GNAQ: variants seen among roughly 807,000 people sequenced by gnomAD.
GNAQ encodes the protein G protein subunit alpha q, also known as guanine nucleotide-binding protein G(q) subunit alpha.
A neutral mutation model predicts 43.9 loss-of-function variants in GNAQ; 8 were observed. The observed-to-expected ratio is 0.18, with a 90% CI of 0.11 to 0.33. The LOEUF (loss-of-function observed/expected upper bound fraction) is 0.33. GNAQ is among the 10% of genes least tolerant of loss of function. GNAQ has a pLI of 1.00. For synonymous variants in GNAQ, 155 were observed against 170.7 expected (o/e 0.91, Z 0.71); for missense variants, 158 against 450.8 (o/e 0.35, Z 5.88).
intron 2 of GNAQ, among the ~76,000 whole-genome samples, chr9:77,903,782 G>C (rs1828654254): frequency 6.6e-6 from 1 of 151,894 alleles, no homozygotes; most frequent in Non-Finnish European, 1.5e-5. Flanking sequence ...TTTAAGTGGA[G>C]AGAAAAAAAA....
At chr9:77,722,551 C>A (rs1359477374) in intron 6 of GNAQ, among the ~76,000 whole-genome samples, 3 of 151,272 alleles carry the variant, frequency 2.0e-5, no homozygotes, top group African/African-American at 7.3e-5. Context: ...TGTAATTTTG[C>A]AATGGATTCT....
intron 4 of GNAQ, among the ~76,000 whole-genome samples, chr9:77,796,207 C>A (rs1192406501): frequency 6.6e-6 from 1 of 152,178 alleles, no homozygotes; most frequent in Non-Finnish European, 1.5e-5. Flanking sequence ...GTGGCAATAT[C>A]TATTAGAACA....
chr9:77,736,221 C>G (rs938977768), intron 5 of GNAQ, among the ~76,000 whole-genome samples: 1 of 152,166 alleles, frequency 6.6e-6, no homozygotes, highest in East Asian at 1.9e-4. Context: ...ATTCTCCACC[C>G]GTTAAAGGGG....
chr9:77,956,653 G>A (rs1823044154), intron 1 of GNAQ, among the ~76,000 whole-genome samples: 1 of 152,266 alleles, frequency 6.6e-6, no homozygotes, highest in South Asian at 2.1e-4. Context: ...CCCAGGAAGG[G>A]GGAGGAGGGA....
At position 77,719,280 on chromosome 9, in the gene GNAQ, C is replaced by T. The variant is rs779066051; in HGVS notation, c.*2043G>A. On this transcript the variant is annotated 3_prime_UTR_variant, in exon 7 of 7. Coordinates refer to ENST00000286548, the MANE Select transcript of GNAQ (RefSeq NM_002072.5). ...ACAATTACATAGATACATATCAATA[C>T]AGCACATTCAATCTGCCAAAAAATT... The T allele has an allele frequency of 8.6e-6, 2 of 232,378 alleles. No individual in the cohort carries two copies. The highest frequency in any genetic ancestry group is 2.2e-5 in the African/African-American group (1 of 45,268). 14.4% of individuals were successfully genotyped at this position (232,378 alleles called of 1,614,324 possible).
chr9:78,012,036 CAAAT>C (rs1823778057), intron 1 of GNAQ, among the ~76,000 whole-genome samples: 2 of 151,972 alleles, frequency 1.3e-5, no homozygotes, highest in African/African-American at 2.4e-5. Context: ...GTTATAGAAA[CAAAT>C]AACCAAATTT....
chr9:77,928,694 T>G (rs2118297878), intron 1 of GNAQ, among the ~76,000 whole-genome samples: 1 of 152,262 alleles, frequency 6.6e-6, no homozygotes. Context: ...TTCCTGAATA[T>G]ACTAAAAAAC....
chr9:77,961,036 T>C (rs1823101172), intron 1 of GNAQ, among the ~76,000 whole-genome samples: 1 of 152,200 alleles, frequency 6.6e-6, no homozygotes, highest in Admixed American at 6.5e-5. Flanking sequence ...ATTCTAGCCA[T>C]TTACTCTTTC....
chr9:77,759,307 CTTTCA>C (rs924703590), intron 5 of GNAQ, among the ~76,000 whole-genome samples: 29 of 152,086 alleles, frequency 1.9e-4, no homozygotes, highest in Non-Finnish European at 3.2e-4. Flanking sequence ...ATTTTTTGGT[CTTTCA>C]TTTAAGAATT....
At chr9:77,965,612 T>C (rs1823156807) in intron 1 of GNAQ, among the ~76,000 whole-genome samples, 1 of 152,148 alleles carries the variant, frequency 6.6e-6, no homozygotes, top group Non-Finnish European at 1.5e-5. Context: ...TCAACAACAT[T>C]AGTCATTAGG....
At chr9:77,751,350 G>T (rs1825807518) in intron 5 of GNAQ, among the ~76,000 whole-genome samples, 1 of 152,136 alleles carries the variant, frequency 6.6e-6, no homozygotes, top group South Asian at 2.1e-4. Flanking sequence ...GGGTTGGGTG[G>T]TTTCCCTAAT....
chr9:77,832,732 T>A (rs541348588), intron 2 of GNAQ, among the ~76,000 whole-genome samples: 7 of 152,280 alleles, frequency 4.6e-5, no homozygotes, highest in African/African-American at 1.7e-4. Flanking sequence ...CACTTAAACC[T>A]ACGATGCCTC....
chr9:78,026,246 T>C, intron 1 of GNAQ, among the ~76,000 whole-genome samples: 1 of 152,132 alleles, frequency 6.6e-6, no homozygotes, highest in East Asian at 1.9e-4. Context: ...AAATAGCATA[T>C]AGGGGTAAGG....
chr9:78,024,258 A>G (rs1026826053), intron 1 of GNAQ, among the ~76,000 whole-genome samples: 1 of 152,194 alleles, frequency 6.6e-6, no homozygotes, highest in African/African-American at 2.4e-5. Context: ...TTCCATCTTT[A>G]AAACGGAATT....
intron 5 of GNAQ, among the ~76,000 whole-genome samples, chr9:77,729,141 A>G (rs1394593113): frequency 1.3e-5 from 2 of 152,214 alleles, no homozygotes; most frequent in Non-Finnish European, 1.5e-5. Context: ...TCAAAAGCAT[A>G]TCTATATTTC....
chr9:78,019,026 T>C (rs558767002), intron 1 of GNAQ, among the ~76,000 whole-genome samples: 1 of 152,228 alleles, frequency 6.6e-6, no homozygotes, highest in African/African-American at 2.4e-5. Flanking sequence ...CTACAAAAAA[T>C]ACGTTTCTCA....
intron 5 of GNAQ, among the ~76,000 whole-genome samples, chr9:77,791,964 G>A (rs917490498): frequency 1.3e-5 from 2 of 152,052 alleles, no homozygotes; most frequent in Admixed American, 6.6e-5. Flanking sequence ...CTGTAGTTCT[G>A]AATTTTCTTA....
At chr9:77,942,289 C>T (rs1829326950) in intron 1 of GNAQ, among the ~76,000 whole-genome samples, 1 of 152,030 alleles carries the variant, frequency 6.6e-6, no homozygotes, top group South Asian at 2.1e-4. Context: ...GAAGATAAAA[C>T]TGAGATAAAA....
At chr9:78,004,008 T>C (rs912965673) in intron 1 of GNAQ, among the ~76,000 whole-genome samples, 2 of 152,046 alleles carry the variant, frequency 1.3e-5, no homozygotes, top group Non-Finnish European at 2.9e-5. Flanking sequence ...CAGGTTGCTA[T>C]GGAGGAACAA....
Sources: gnomAD v4.1 joint callset for allele counts (sites outside exome capture counted in the v4.1 genomes callset) on GRCh38, gnomAD v4.1.1 for gene constraint, MANE v1.5 for transcripts, NCBI Gene and HGNC (gene_info 2026-07-23, HGNC 2026-07-21) for gene names.